Variants in FHIT observed in about 807,000 individuals in gnomAD.
FHIT encodes the protein bis(5'-adenosyl)-triphosphatase.
In FHIT, 19 loss-of-function variants were observed where a neutral mutation model predicts 17.9. The observed-to-expected ratio is 1.06, with a 90% CI of 0.74 to 1.56. FHIT has a LOEUF of 1.56. FHIT is among the 40% of genes most tolerant of loss of function. The pLI, the probability that FHIT is intolerant of heterozygous loss-of-function variation, is 0.00. For missense variants in FHIT, 248 were observed against 189.2 expected (o/e 1.31, Z -1.82); for synonymous variants, 81 against 69.7 (o/e 1.16, Z -0.81).
intron 5 of FHIT, among the ~76,000 whole-genome samples, chr3:60,017,339 G>T (rs187789492): frequency 6.6e-6 from 1 of 152,114 alleles, no homozygotes; most frequent in Admixed American, 6.5e-5. Context: ...ACAGAGAATC[G>T]TAAGATCAAA....
intron 4 of FHIT, among the ~76,000 whole-genome samples, chr3:60,806,856 A>G (rs115267466): frequency 0.01 from 1,527 of 152,352 alleles, 29 homozygotes; most frequent in African/African-American, 0.034. Flanking sequence ...TGCAATCGCA[A>G]AGGTATCTCG....
At chr3:60,911,661 G>A (rs1267945051) in intron 3 of FHIT, among the ~76,000 whole-genome samples, 4 of 152,176 alleles carry the variant, frequency 2.6e-5, no homozygotes, top group Non-Finnish European at 5.9e-5. Flanking sequence ...GCCAGCAAGT[G>A]AAGAGATGTC....
At chr3:60,785,302 G>A (rs1700528979) in intron 4 of FHIT, among the ~76,000 whole-genome samples, 1 of 152,216 alleles carries the variant, frequency 6.6e-6, no homozygotes, top group Non-Finnish European at 1.5e-5. Flanking sequence ...CCTTGGCTGT[G>A]GTGATTAAGA....
chr3:59,876,755 T>C (rs73100610), intron 8 of FHIT, among the ~76,000 whole-genome samples: 3,397 of 152,346 alleles, frequency 0.022, 47 homozygotes, highest in South Asian at 0.063. Context: ...GTTGTCTACC[T>C]ACTTTCTGTT....
chr3:59,838,776 A>C (rs897376334), intron 8 of FHIT, among the ~76,000 whole-genome samples: 7 of 152,164 alleles, frequency 4.6e-5, no homozygotes, highest in Non-Finnish European at 4.4e-5. Context: ...AAGTACTTGT[A>C]CACATTCAGA....
At chr3:60,084,146 T>G (rs562226029) in intron 5 of FHIT, among the ~76,000 whole-genome samples, 2 of 152,154 alleles carry the variant, frequency 1.3e-5, no homozygotes, top group Non-Finnish European at 2.9e-5. Context: ...AGGATAATAC[T>G]GAAAGGTTCA....
rs35011630 is a variant in FHIT at position 60,120,861 on chromosome 3, A to T, written c.104-106709T>A. ...AGCTAAGTGATTTTTTTTTTCCACC[A>T]TTTGCTCACATAGCAGCGAACAACT... On this transcript the variant is annotated intron_variant, in intron 5 of 9. Transcript: ENST00000492590. 8.2e-3 allele frequency among the ~76,000 whole-genome samples: 1,232 copies of T among 151,160 alleles called. 14 individuals are homozygous for T. The highest frequency in any genetic ancestry group is 0.027 in the African/African-American group (1,126 of 41,138).
intron 5 of FHIT, among the ~76,000 whole-genome samples, chr3:60,286,639 A>G (rs1204723265): frequency 4.6e-5 from 7 of 152,196 alleles, no homozygotes; most frequent in Admixed American, 1.3e-4. Context: ...TTAATCTACT[A>G]TAGCAACCAT....
At chr3:59,960,682 T>C (rs72875146) in intron 7 of FHIT, among the ~76,000 whole-genome samples, 21 of 152,354 alleles carry the variant, frequency 1.4e-4, no homozygotes, top group African/African-American at 4.8e-4. Flanking sequence ...ATCACTATAT[T>C]CTTCTAATAC....
At position 59,871,345 on chromosome 3, in the gene FHIT, T is replaced by C. The variant is rs376548217; in HGVS notation, c.348+51001A>G. Among the ~76,000 whole-genome samples, 293 of 152,300 alleles carry C rather than the reference T, an allele frequency of 1.9e-3. 1 individual carries two copies. Among genetic ancestry groups the C allele is most frequent in the African/African-American group, 6.8e-3 (281 of 41,566 alleles). ...AACCTGAATTTTGCTGTGTGCGCTATTAATAACTAATATTTGTAAGAATCT... is the reference window on the plus strand; with the variant it reads ...AACCTGAATTTTGCTGTGTGCGCTACTAATAACTAATATTTGTAAGAATCT... On this transcript the variant is annotated intron_variant, in intron 8 of 9. Coordinates refer to ENST00000492590, the MANE Select transcript of FHIT (RefSeq NM_002012.4).
intron 5 of FHIT, among the ~76,000 whole-genome samples, chr3:60,439,397 T>A (rs1351779073): frequency 2.0e-5 from 3 of 152,158 alleles, no homozygotes; most frequent in African/African-American, 4.8e-5. Flanking sequence ...CTGATTTGAA[T>A]AAAGGGCTTC....
At chr3:60,690,403 T>C (rs559719353) in intron 4 of FHIT, 141 of 579,554 alleles carry the variant, frequency 2.4e-4, no homozygotes, top group African/African-American at 2.4e-3. Flanking sequence ...ACCATTTGCG[T>C]TGGGTCCAGC....
At position 60,059,951 on chromosome 3, in the gene FHIT, C is replaced by A. The variant is rs556923124; in HGVS notation, c.104-45799G>T. 4.6e-5 allele frequency among the ~76,000 whole-genome samples: 7 copies of A among 152,284 alleles called. No homozygotes were observed. In the East Asian group the frequency reaches 1.2e-3, roughly 25 times the overall value. On this transcript the variant is annotated intron_variant, in intron 5 of 9. Coordinates refer to ENST00000492590, the MANE Select transcript of FHIT (RefSeq NM_002012.4). ...TGTCATCCATAGAGGGTAATTTGAA[C>A]TTATAAGCATTAACCGTGCTCCATG... is the stretch of plus-strand genomic sequence containing the variant.
At chr3:60,270,824 C>T (rs1316896562) in intron 5 of FHIT, among the ~76,000 whole-genome samples, 1 of 152,156 alleles carries the variant, frequency 6.6e-6, no homozygotes, top group Non-Finnish European at 1.5e-5. Context: ...GGAGGAACAC[C>T]GGCAAGGATT....
chr3:59,991,627 C>A (rs981539176), intron 7 of FHIT, among the ~76,000 whole-genome samples: 15 of 152,144 alleles, frequency 9.9e-5, no homozygotes, highest in Middle Eastern at 3.4e-3. Flanking sequence ...TCATCTTAGT[C>A]CCTTCTTCCT....
intron 5 of FHIT, among the ~76,000 whole-genome samples, chr3:60,375,478 G>A (rs1416078775): frequency 1.3e-5 from 2 of 152,002 alleles, no homozygotes. Context: ...AGGAGGCTGA[G>A]GCACAAGAAT....
rs570419438 is a variant in FHIT at position 60,001,654 on chromosome 3, T to C, written c.279+9717A>G. 1.2e-3 allele frequency among the ~76,000 whole-genome samples: 185 copies of C among 152,236 alleles called. 1 individual carries two copies. The highest frequency in any genetic ancestry group is 1.9e-3 in the Non-Finnish European group (127 of 68,008). On this transcript the variant is annotated intron_variant, in intron 7 of 9. Coordinates refer to ENST00000492590, the MANE Select transcript of FHIT (RefSeq NM_002012.4). ...GCTACAGGGGTGATTAACTGTCAAG[T>C]AGTGGATGATGCTAATGACTTTTAA...
At chr3:59,984,093 G>T (rs990692496) in intron 7 of FHIT, among the ~76,000 whole-genome samples, 1 of 151,984 alleles carries the variant, frequency 6.6e-6, no homozygotes, top group East Asian at 1.9e-4. Flanking sequence ...ATATTCCAAG[G>T]TGAAACTCAG....
chr3:60,743,304 T>C (rs1035987338), intron 4 of FHIT, among the ~76,000 whole-genome samples: 2 of 152,336 alleles, frequency 1.3e-5, no homozygotes, highest in Middle Eastern at 3.4e-3. Context: ...ATTATTGTTG[T>C]ACTTTATTGT....
Sources: gnomAD v4.1 joint callset for allele counts (sites outside exome capture counted in the v4.1 genomes callset) on GRCh38, gnomAD v4.1.1 for gene constraint, MANE v1.5 for transcripts, NCBI Gene and HGNC (gene_info 2026-07-23, HGNC 2026-07-21) for gene names.